The following POU2AF2 variants were observed in gnomAD, a reference collection of about 807,000 sequenced individuals.
The protein encoded by POU2AF2 is POU class 2 homeobox associating factor 2.
the POU2AF2 span, among the ~76,000 whole-genome samples, chr11:111,248,908 T>C: frequency 6.6e-6 from 1 of 152,228 alleles, no homozygotes; most frequent in Non-Finnish European, 1.5e-5. Flanking sequence ...AGAGAAAACG[T>C]TTAATTTTGA....
chr11:111,273,431 AATG>A, the POU2AF2 span, among the ~76,000 whole-genome samples: 1 of 152,244 alleles, frequency 6.6e-6, no homozygotes, highest in African/African-American at 2.4e-5. Flanking sequence ...CAACCATAGA[AATG>A]ATGACAATGA....
chr11:111,264,494 A>G, the POU2AF2 span, among the ~76,000 whole-genome samples: 9 of 3,658 alleles, frequency 2.5e-3, no homozygotes, highest in African/African-American at 5.9e-3. Context: ...AGACTCACGA[A>G]AGAAAGAAAG....
chr11:111,284,492 C>T, the POU2AF2 span: 1 of 1,261,320 alleles, frequency 7.9e-7, no homozygotes, highest in South Asian at 1.6e-5. Context: ...CCTGTAGACT[C>T]CAGAGGCTGC....
At chr11:111,277,559 G>C in the POU2AF2 span, among the ~76,000 whole-genome samples, 1 of 152,262 alleles carries the variant, frequency 6.6e-6, no homozygotes, top group Non-Finnish European at 1.5e-5. Context: ...AGAGGCAGGA[G>C]GCAGAGCCAC....
chr11:111,260,869 G>A, the POU2AF2 span, among the ~76,000 whole-genome samples: 97 of 152,302 alleles, frequency 6.4e-4, no homozygotes, highest in African/African-American at 2.2e-3. Flanking sequence ...CATACTTCAG[G>A]AAGTATCTAT....
At chr11:111,266,740 A>G in the POU2AF2 span, among the ~76,000 whole-genome samples, 1 of 152,266 alleles carries the variant, frequency 6.6e-6, no homozygotes, top group African/African-American at 2.4e-5. Context: ...TTCATGTATC[A>G]ACACAAGCAT....
At chr11:111,250,182 T>TG in the POU2AF2 span, among the ~76,000 whole-genome samples, 1 of 152,052 alleles carries the variant, frequency 6.6e-6, no homozygotes, top group Non-Finnish European at 1.5e-5. Context: ...TTGGGGGGGT[T>TG]GGGGGGTGTG....
At chr11:111,274,109 G>T in the POU2AF2 span, among the ~76,000 whole-genome samples, 1 of 152,124 alleles carries the variant, frequency 6.6e-6, no homozygotes, top group South Asian at 2.1e-4. Context: ...ACAATTGAGT[G>T]CACATGCTGA....
At chr11:111,262,546 C>T in the POU2AF2 span, among the ~76,000 whole-genome samples, 3 of 152,160 alleles carry the variant, frequency 2.0e-5, no homozygotes, top group African/African-American at 7.2e-5. Flanking sequence ...AAAATACATG[C>T]AATTGGAAGC....
At chr11:111,271,371 A>C in the POU2AF2 span, among the ~76,000 whole-genome samples, 1 of 151,132 alleles carries the variant, frequency 6.6e-6, no homozygotes, top group Non-Finnish European at 1.5e-5. Context: ...CTGCTACCAA[A>C]GTCTAAGTTC....
chr11:111,281,564 C>T, the POU2AF2 span: 32 of 1,067,866 alleles, frequency 3.0e-5, no homozygotes, highest in Non-Finnish European at 4.4e-5. Context: ...ATAGTTTTGT[C>T]TAAAATACAA....
chr11:111,276,453 A>AAAAAAAAATATATAT, the POU2AF2 span, among the ~76,000 whole-genome samples: 35 of 37,592 alleles, frequency 9.3e-4, no homozygotes, highest in Admixed American at 2.1e-3. Flanking sequence ...AAAAAAAAAA[A>AAAAAAAAATATATAT]ATATATATAT....
the POU2AF2 span, among the ~76,000 whole-genome samples, chr11:111,274,734 A>T: frequency 1.1e-4 from 16 of 151,688 alleles, no homozygotes; most frequent in Non-Finnish European, 1.9e-4. Context: ...TCTCCATTAT[A>T]CTAAATTTTT....
the POU2AF2 span, among the ~76,000 whole-genome samples, chr11:111,248,336 G>A: frequency 6.6e-5 from 10 of 152,140 alleles, no homozygotes; most frequent in Non-Finnish European, 1.3e-4. Flanking sequence ...GGTGAGGGGA[G>A]GGATGCCCAC....
At chr11:111,268,476 TTTTTTATTTTATTTTATTTTA>T in the POU2AF2 span, among the ~76,000 whole-genome samples, 1 of 88,558 alleles carries the variant, frequency 1.1e-5, no homozygotes, top group Non-Finnish European at 2.7e-5. Context: ...ACATTTTTCT[TTTTTTATTTTATTTTATTTTA>T]TTTTATTTTA....
At chr11:111,285,975 C>T in the POU2AF2 span, 37 of 1,613,920 alleles carry the variant, frequency 2.3e-5, no homozygotes, top group Non-Finnish European at 3.1e-5. Flanking sequence ...GACACCGGTT[C>T]CCTCCATGAC....
the POU2AF2 span, among the ~76,000 whole-genome samples, chr11:111,257,586 G>A: frequency 6.6e-6 from 1 of 152,032 alleles, no homozygotes; most frequent in Non-Finnish European, 1.5e-5. Flanking sequence ...ATGTTGGCCA[G>A]GCTGGTATCA....
the POU2AF2 span, among the ~76,000 whole-genome samples, chr11:111,250,477 G>T: frequency 1.3e-5 from 2 of 152,106 alleles, no homozygotes; most frequent in African/African-American, 2.4e-5. Context: ...AAAACAAATT[G>T]TTTTCAACAA....
the POU2AF2 span, among the ~76,000 whole-genome samples, chr11:111,257,446 G>A: frequency 1.3e-5 from 2 of 150,014 alleles, no homozygotes; most frequent in African/African-American, 4.9e-5. Flanking sequence ...TGCAACTGCT[G>A]CCTCCCAGGT....
Sources: gnomAD v4.1 joint callset for allele counts (sites outside exome capture counted in the v4.1 genomes callset) on GRCh38, gnomAD v4.1.1 for gene constraint, MANE v1.5 for transcripts, NCBI Gene and HGNC (gene_info 2026-07-23, HGNC 2026-07-21) for gene names.